Variants in NAA11 observed in about 807,000 individuals in gnomAD.
NAA11 encodes N-alpha-acetyltransferase 11.
NAA11 carries 15 observed loss-of-function variants against 16.1 expected under a neutral mutation model. The observed-to-expected ratio is 0.93, with a 90% CI of 0.62 to 1.44. NAA11 has a LOEUF of 1.44. NAA11 is among the 40% of genes most tolerant of loss of function. The pLI, the probability that NAA11 is intolerant of heterozygous loss-of-function variation, is 0.00. For synonymous variants in NAA11, 122 were observed against 112.4 expected, an observed-to-expected ratio of 1.09 and a Z score of -0.54; for missense variants, 298 against 291.3, an observed-to-expected ratio of 1.02 and a Z score of -0.17.
chr4:79,209,734 CAAT>C, the NAA11 span, among the ~76,000 whole-genome samples: 1 of 152,050 alleles, frequency 6.6e-6, no homozygotes, highest in Non-Finnish European at 1.5e-5. Flanking sequence ...ACTGAACCCT[CAAT>C]AACCCAGTTT....
chr4:79,254,703 ATTATTATTATACTTTAAGT>A (rs1722068508), intron 2 of NAA11, among the ~76,000 whole-genome samples: 1 of 101,194 alleles, frequency 9.9e-6, no homozygotes, highest in Non-Finnish European at 2.2e-5. Flanking sequence ...TTACTTTTTT[ATTATTATTATACTTTAAGT>A]TTTAGGGTAC....
At chr4:79,270,338 A>C (rs1245067977) in intron 2 of NAA11, among the ~76,000 whole-genome samples, 1 of 152,050 alleles carries the variant, frequency 6.6e-6, no homozygotes, top group Non-Finnish European at 1.5e-5. Context: ...GAAGAAGTTG[A>C]ATCTCTTAAT....
intron 2 of NAA11, among the ~76,000 whole-genome samples, chr4:79,274,886 A>T (rs1342276051): frequency 6.6e-6 from 1 of 152,090 alleles, no homozygotes; most frequent in Middle Eastern, 3.2e-3. Context: ...ACAGCCAGGT[A>T]TATAGCAGAA....
chr4:79,316,914 G>C lies in NAA11; in HGVS notation c.*890C>G, dbSNP rs1723943316. 1 of 152,044 alleles carries C rather than the reference G, an allele frequency of 6.6e-6. No homozygotes were observed. The highest frequency in any genetic ancestry group is 2.4e-5 in the African/African-American group (1 of 41,402). 9.4% of individuals were successfully genotyped at this position (152,044 alleles called of 1,614,324 possible). A position where few individuals can be genotyped will look rare whatever the true frequency, so the allele number is the denominator to read the frequency against. On this transcript the variant is annotated 3_prime_UTR_variant, in exon 2 of 2. Coordinates refer to ENST00000286794, the MANE Select transcript of NAA11 (RefSeq NM_032693.3). Reference sequence around the variant, plus strand: ...TTGGCTTTGAATTCAAACAGAATTGGGTTCAGATCCAGGATATTTAATTCA... The same window carrying C: ...TTGGCTTTGAATTCAAACAGAATTGCGTTCAGATCCAGGATATTTAATTCA...
chr4:79,170,953 C>A, the NAA11 span, among the ~76,000 whole-genome samples: 1 of 151,886 alleles, frequency 6.6e-6, no homozygotes, highest in Non-Finnish European at 1.5e-5. Context: ...ATATAGCATT[C>A]ACTAAAATCC....
At position 79,325,430 on chromosome 4, in the gene NAA11, C is replaced by T; in HGVS notation, c.448G>A (p.Asp150Asn). The change falls in exon 1 of 2, where the codon GAT (aspartate) becomes AAT (asparagine). Residue 150 changes from aspartate to asparagine, a missense_variant. Transcript: ENST00000286794. ...AGCTCATCTGCCATCTGCGAGAGAT[C>T]CCGCTTCATAGCATAAGCATCTTCC... ...DGEDAYAMKR[D>N]LSQMADELRR... is the part of the protein sequence containing the mutation. 2 of 1,614,204 alleles carry T rather than the reference C, an allele frequency of 1.2e-6. No individual in the cohort carries two copies. Among genetic ancestry groups the T allele is most frequent in the Non-Finnish European group, 1.7e-6 (2 of 1,180,034 alleles).
chr4:79,271,800 G>C (rs569132880), intron 2 of NAA11, among the ~76,000 whole-genome samples: 2 of 152,074 alleles, frequency 1.3e-5, no homozygotes, highest in East Asian at 3.9e-4. Flanking sequence ...GGAACTCATG[G>C]TATCATGCCA....
the NAA11 span, among the ~76,000 whole-genome samples, chr4:79,203,091 T>A: frequency 9.9e-4 from 151 of 151,782 alleles, no homozygotes; most frequent in African/African-American, 3.5e-3. Flanking sequence ...ATTCTAATGA[T>A]GTAAGTGTTT....
the NAA11 span, among the ~76,000 whole-genome samples, chr4:79,218,786 A>G: frequency 1.3e-5 from 2 of 152,116 alleles, no homozygotes; most frequent in African/African-American, 4.8e-5. Flanking sequence ...AAAGATTTTC[A>G]ACATAGCTAC....
Position 79,325,794 on chromosome 4 carries a change from C to A in NAA11, c.84G>T (p.Met28Ile). 6.2e-7 allele frequency: 1 copy of A among 1,614,176 alleles called. No individual in the cohort carries two copies. Among genetic ancestry groups the A allele is most frequent in the Non-Finnish European group, 8.5e-7 (1 of 1,180,024 alleles). ...AAAGGCCATGATATAAATAGTATTT[C>A]ATCTGGTAGTTCTCAGGAAGGCAAA... ...NLLCLPENYQMKYYLYHGLSW... is the reference protein window; with the variant it reads ...NLLCLPENYQIKYYLYHGLSW... Residue 28 changes from methionine to isoleucine, a missense_variant, in exon 1 of 2, where the codon ATG becomes ATT. By Grantham distance (10) the Met-to-Ile change is conservative. Transcript: ENST00000286794.
intron 2 of NAA11, among the ~76,000 whole-genome samples, chr4:79,276,035 T>C (rs1338719684): frequency 1.3e-5 from 2 of 152,124 alleles, no homozygotes; most frequent in East Asian, 1.9e-4. Flanking sequence ...TTATTGTTGC[T>C]AAAAGTTCTT....
chr4:79,160,732 A>T, the NAA11 span, among the ~76,000 whole-genome samples: 1 of 152,134 alleles, frequency 6.6e-6, no homozygotes, highest in Non-Finnish European at 1.5e-5. Flanking sequence ...AGAGTTCTTT[A>T]TATATTTTGG....
intron 2 of NAA11, among the ~76,000 whole-genome samples, chr4:79,240,767 G>C (rs1045466894): frequency 6.6e-6 from 1 of 152,088 alleles, no homozygotes; most frequent in Non-Finnish European, 1.5e-5. Context: ...AAACTGGGCT[G>C]CTGTTACACA....
At chr4:79,208,925 C>CAA in the NAA11 span, among the ~76,000 whole-genome samples, 31 of 53,964 alleles carry the variant, frequency 5.7e-4, 2 homozygotes, top group African/African-American at 9.8e-4. Flanking sequence ...ATATAACTGC[C>CAA]AAAAAAAAAA....
chr4:79,177,832 A>G, the NAA11 span, among the ~76,000 whole-genome samples: 1 of 152,076 alleles, frequency 6.6e-6, no homozygotes, highest in South Asian at 2.1e-4. Context: ...GAAGTTTCTT[A>G]TTTGTCTTAT....
intron 2 of NAA11, among the ~76,000 whole-genome samples, chr4:79,237,594 T>A (rs939265930): frequency 6.6e-6 from 1 of 152,202 alleles, no homozygotes; most frequent in African/African-American, 2.4e-5. Context: ...CAGTGTTTGA[T>A]AACATATTGT....
intron 1 of NAA11, among the ~76,000 whole-genome samples, chr4:79,298,576 C>T (rs918724550): frequency 7.2e-5 from 11 of 152,264 alleles, no homozygotes; most frequent in Non-Finnish European, 1.3e-4. Flanking sequence ...CCAGTGCCAG[C>T]ACCTGGAGTT....
At chr4:79,290,341 T>A (rs575951040) in intron 2 of NAA11, among the ~76,000 whole-genome samples, 1 of 152,264 alleles carries the variant, frequency 6.6e-6, no homozygotes, top group Non-Finnish European at 1.5e-5. Flanking sequence ...CTATCCCAGA[T>A]ATGAAGCTCA....
rs894358126 is a variant in NAA11 at position 79,268,033 on chromosome 4, G to T, written c.*122+25972C>A. On this transcript the variant is annotated intron_variant and NMD_transcript_variant, in intron 2 of 2. Transcript: ENST00000511542. Reference sequence around the variant, plus strand: ...TGAAGACAAATGTGAAAGCAACTTTGTCATGTTTATTAAGAATATACTTAT... The same window carrying T: ...TGAAGACAAATGTGAAAGCAACTTTTTCATGTTTATTAAGAATATACTTAT... 3.4e-5 allele frequency among the ~76,000 whole-genome samples: 4 copies of T among 118,100 alleles called. No homozygotes were observed. The South Asian group carries it at 1.2e-3, about 34-fold the overall frequency. The allele number at this position is 118,100 out of a possible 152,430, so 77.5% of individuals were successfully genotyped here.
Sources: allele counts gnomAD v4.1 joint callset (sites outside exome capture counted in the v4.1 genomes callset), GRCh38; gene constraint gnomAD v4.1.1; transcripts MANE v1.5; gene names NCBI Gene and HGNC (gene_info 2026-07-23, HGNC 2026-07-21).